FOXN3: variants seen among roughly 807,000 people sequenced by gnomAD.
FOXN3 encodes the protein forkhead box protein N3.
In FOXN3, 7 loss-of-function variants were observed where a neutral mutation model predicts 38.4. The ratio of observed to expected loss-of-function variants is 0.18; its 90% CI spans 0.10 to 0.34. The LOEUF (loss-of-function observed/expected upper bound fraction) is 0.34, where lower values mean the gene tolerates loss of function less well. Among genes scored for constraint, FOXN3 ranks in the 10% least tolerant of loss-of-function variants. The probability of loss-of-function intolerance (pLI) is 1.00; values close to 1 mark genes in which losing one functional copy is unlikely to be tolerated. For synonymous variants in FOXN3, 230 were observed against 242.2 expected (o/e 0.95, Z 0.47); for missense variants, 456 against 613.4 (o/e 0.74, Z 2.71).
At chr14:89,540,987 G>A (rs74394181) in intron 1 of FOXN3, among the ~76,000 whole-genome samples, 1,758 of 152,240 alleles carry the variant, frequency 0.012, 18 homozygotes, top group Non-Finnish European at 0.02. Flanking sequence ...TAAACTAAGT[G>A]GCTGAGTCAG....
At chr14:89,326,752 T>G (rs565929629) in intron 3 of FOXN3, among the ~76,000 whole-genome samples, 3 of 152,188 alleles carry the variant, frequency 2.0e-5, no homozygotes, top group Non-Finnish European at 4.4e-5. Flanking sequence ...TCTATGACTC[T>G]TCAGACAACC....
intron 1 of FOXN3, among the ~76,000 whole-genome samples, chr14:89,564,035 A>G (rs1310874657): frequency 6.6e-6 from 1 of 151,944 alleles, no homozygotes; most frequent in Non-Finnish European, 1.5e-5. Flanking sequence ...GTATTTTTTT[A>G]GTAGAGATGA....
Position 89,471,291 on chromosome 14 carries a change from TC to T in FOXN3, c.-14-58802del, listed in dbSNP as rs369395988. Reference sequence around the variant, plus strand: ...CACCCTACCTGAGAGTAATCCATTTTCCTCAGAAGGATGTAAAGAATTCTCC... The same window carrying T: ...CACCCTACCTGAGAGTAATCCATTTTCTCAGAAGGATGTAAAGAATTCTCC... On this transcript the variant is annotated intron_variant, in intron 1 of 6. Transcript: ENST00000345097. Among the ~76,000 whole-genome samples the T allele has an allele frequency of 2.6e-4, 39 of 152,266 alleles. No individual in the cohort carries two copies. In the East Asian group the frequency reaches 7.1e-3, roughly 28 times the overall value.
chr14:89,231,729 G>C (rs1298991407), intron 4 of FOXN3, among the ~76,000 whole-genome samples: 1 of 152,156 alleles, frequency 6.6e-6, no homozygotes, highest in African/African-American at 2.4e-5. Flanking sequence ...GCAATACTGT[G>C]CTCCAAATCG....
At chr14:89,615,938 G>C (rs1226853462) in intron 1 of FOXN3, among the ~76,000 whole-genome samples, 1 of 152,096 alleles carries the variant, frequency 6.6e-6, no homozygotes, top group Non-Finnish European at 1.5e-5. Context: ...TTTTTAAAAA[G>C]ACCAAATTGT....
chr14:89,257,930 A>G (rs928701015), intron 4 of FOXN3, among the ~76,000 whole-genome samples: 1 of 152,160 alleles, frequency 6.6e-6, no homozygotes, highest in Non-Finnish European at 1.5e-5. Flanking sequence ...TCAGAAGACA[A>G]TGGTGTGAGC....
intron 5 of FOXN3, among the ~76,000 whole-genome samples, chr14:89,167,933 A>G (rs189501613): frequency 4.9e-4 from 74 of 152,306 alleles, no homozygotes; most frequent in Non-Finnish European, 4.9e-4. Flanking sequence ...CTTCCTGCTT[A>G]CTGTGTACCC....
chr14:89,292,321 T>A (rs1886899658), intron 3 of FOXN3, among the ~76,000 whole-genome samples: 1 of 152,156 alleles, frequency 6.6e-6, no homozygotes, highest in South Asian at 2.1e-4. Flanking sequence ...CCCATTATTC[T>A]TTCCTGCACT....
Position 89,376,165 on chromosome 14 carries a change from T to A in FOXN3, c.544-25357A>T, listed in dbSNP as rs910560290. Among the ~76,000 whole-genome samples, 4 of 152,302 alleles carry A rather than the reference T, an allele frequency of 2.6e-5. No homozygotes were observed. In the East Asian group the frequency reaches 7.7e-4, roughly 29 times the overall value. On this transcript the variant is annotated intron_variant, in intron 2 of 5. Transcript: ENST00000557258. ...AAATGGATGATCTCATGTCTGGATATGAAAAGTGTAAGATGAGTCCAGAAC... is the reference window on the plus strand; with the variant it reads ...AAATGGATGATCTCATGTCTGGATAAGAAAAGTGTAAGATGAGTCCAGAAC...
chr14:89,427,467 G>C (rs989121997), intron 1 of FOXN3, among the ~76,000 whole-genome samples: 1 of 146,948 alleles, frequency 6.8e-6, no homozygotes, highest in Non-Finnish European at 1.5e-5. Flanking sequence ...CACTGCGCCC[G>C]GCTGATTTTT....
chr14:89,416,004 C>G (rs1244715279), intron 1 of FOXN3, among the ~76,000 whole-genome samples: 2 of 152,148 alleles, frequency 1.3e-5, no homozygotes, highest in Non-Finnish European at 2.9e-5. Context: ...AAATAACTGA[C>G]AAAGACATTA....
intron 1 of FOXN3, among the ~76,000 whole-genome samples, chr14:89,597,829 G>A (rs1307484771): frequency 6.6e-6 from 1 of 152,074 alleles, no homozygotes; most frequent in African/African-American, 2.4e-5. Context: ...AGAAAGGTAT[G>A]TCTCTTTAAA....
chr14:89,534,188 CT>C (rs1596310100), intron 1 of FOXN3, among the ~76,000 whole-genome samples: 2 of 150,382 alleles, frequency 1.3e-5, no homozygotes, highest in East Asian at 3.9e-4. Flanking sequence ...TCACTGCAAC[CT>C]CTGCCTCCCG....
chr14:89,283,112 G>A (rs1185378062), intron 3 of FOXN3, among the ~76,000 whole-genome samples: 3 of 152,110 alleles, frequency 2.0e-5, no homozygotes, highest in African/African-American at 4.8e-5. Context: ...CTCCTGCCAT[G>A]CTAACTGCAA....
chr14:89,569,525 G>T (rs1001102983), intron 1 of FOXN3, among the ~76,000 whole-genome samples: 1 of 152,126 alleles, frequency 6.6e-6, no homozygotes, highest in Non-Finnish European at 1.5e-5. Flanking sequence ...AAAATGTATG[G>T]CTACTTTGGA....
intron 2 of FOXN3, among the ~76,000 whole-genome samples, chr14:89,379,039 G>C (rs1163501567): frequency 1.3e-5 from 2 of 152,190 alleles, no homozygotes; most frequent in African/African-American, 4.8e-5. Flanking sequence ...CAGGTTATGA[G>C]AATAGAGGGT....
At chr14:89,371,603 G>A (rs918668065) in intron 2 of FOXN3, among the ~76,000 whole-genome samples, 1 of 151,800 alleles carries the variant, frequency 6.6e-6, no homozygotes. Context: ...CACCTGCCCC[G>A]CAGAGCACCT....
intron 4 of FOXN3, among the ~76,000 whole-genome samples, chr14:89,259,493 C>G (rs1885730639): frequency 6.6e-6 from 1 of 152,124 alleles, no homozygotes; most frequent in Non-Finnish European, 1.5e-5. Context: ...TAATGTTATC[C>G]TCTAACTTTA....
intron 1 of FOXN3, among the ~76,000 whole-genome samples, chr14:89,457,275 G>T (rs557654873): frequency 1.3e-5 from 2 of 152,290 alleles, no homozygotes; most frequent in South Asian, 4.1e-4. Context: ...AGAAAGACGC[G>T]AAGACCAGCC....
Sources: allele counts gnomAD v4.1 joint callset (sites outside exome capture counted in the v4.1 genomes callset), GRCh38; gene constraint gnomAD v4.1.1; transcripts MANE v1.5; gene names NCBI Gene and HGNC (gene_info 2026-07-23, HGNC 2026-07-21).